Variants in NPFFR1 observed in about 807,000 individuals in gnomAD.
NPFFR1 encodes G-protein coupled receptor 147.
In NPFFR1, 17 loss-of-function variants were observed where a neutral mutation model predicts 12.7. That is an observed-to-expected ratio of 1.34 (90% confidence interval 0.92 to 2.01). NPFFR1 has a LOEUF of 2.01. NPFFR1 is among the 30% of genes most tolerant of loss of function. NPFFR1 has a pLI of 0.00. For missense variants in NPFFR1, 604 were observed against 606.5 expected, an observed-to-expected ratio of 1.00 and a Z score of 0.04; for synonymous variants, 296 against 264.5, an observed-to-expected ratio of 1.12 and a Z score of -1.16.
At chr10:70,256,274 G>T (rs1393894903) in intron 3 of NPFFR1, among the ~76,000 whole-genome samples, 1 of 152,094 alleles carries the variant, frequency 6.6e-6, no homozygotes, top group Non-Finnish European at 1.5e-5. Flanking sequence ...GAGAGATGAG[G>T]TCTCACTGTG....
At chr10:70,261,874 T>G (rs74139291) in intron 2 of NPFFR1, among the ~76,000 whole-genome samples, 10,822 of 152,238 alleles carry the variant, frequency 0.071, 489 homozygotes, top group Middle Eastern at 0.18. Flanking sequence ...CTCAACTTCC[T>G]GGCTCAAACC....
intron 2 of NPFFR1, among the ~76,000 whole-genome samples, chr10:70,265,322 A>C (rs1276191666): frequency 6.6e-6 from 1 of 152,218 alleles, no homozygotes; most frequent in Non-Finnish European, 1.5e-5. Flanking sequence ...TCTGAAAACC[A>C]GTCCCTCACC....
At chr10:70,277,637 C>T (rs1840816857) in intron 1 of NPFFR1, among the ~76,000 whole-genome samples, 1 of 152,208 alleles carries the variant, frequency 6.6e-6, no homozygotes, top group Non-Finnish European at 1.5e-5. Flanking sequence ...CCACTTCCAG[C>T]CAGTGCGGGT....
intron 1 of NPFFR1, among the ~76,000 whole-genome samples, chr10:70,267,821 G>A (rs1369721071): frequency 6.6e-6 from 1 of 152,148 alleles, no homozygotes; most frequent in Admixed American, 6.5e-5. Flanking sequence ...CAGGGCCAGC[G>A]AGCTGGCATC....
chr10:70,254,798 G>A lies in NPFFR1; in HGVS notation c.*159C>T, dbSNP rs1840543916. On this transcript the variant is annotated 3_prime_UTR_variant, in exon 4 of 4. Coordinates refer to ENST00000277942, the MANE Select transcript of NPFFR1 (RefSeq NM_022146.5). ...GCATTTGCCTCTACTGAGGGTGAAG[G>A]CAGCAGAGAAGACATCACCAGCAGC... The A allele has an allele frequency of 3.5e-6, 3 of 850,754 alleles. No homozygotes were observed. The highest frequency in any genetic ancestry group is 4.8e-6 in the Non-Finnish European group (3 of 624,872). 52.7% of individuals were successfully genotyped at this position (850,754 alleles called of 1,614,324 possible). A position where few individuals can be genotyped will look rare whatever the true frequency, so the allele number is the denominator to read the frequency against.
rs774613586 is a variant in NPFFR1 at position 70,255,449 on chromosome 10, G to A, written c.801C>T (p.Arg267=). ...ADPRASRRRA[R]VVHMLVMVAL... ...CCACCATGACCAGCATGTGCACCAC[G>A]CGCGCTCTGCGCCGCGATGCTCGCG... The change falls in exon 4 of 4, where the codon CGC becomes CGT. Residue 267 remains arginine, a synonymous_variant. Coordinates refer to ENST00000277942, the MANE Select transcript of NPFFR1 (RefSeq NM_022146.5). This position sits in a 1 kb window ranked among gnomAD's most constrained non-coding sequence, Gnocchi z 4.2. The A allele has an allele frequency of 4.1e-5, 64 of 1,547,842 alleles. No homozygotes were observed. Among genetic ancestry groups the A allele is most frequent in the Non-Finnish European group, 5.2e-5 (60 of 1,146,500 alleles).
chr10:70,283,273 G>A (rs1005974141), intron 1 of NPFFR1, among the ~76,000 whole-genome samples: 2 of 139,056 alleles, frequency 1.4e-5, no homozygotes, highest in Non-Finnish European at 3.1e-5. Context: ...GAATACAGAG[G>A]CACCCCCAAG....
chr10:70,275,255 CAA>C (rs1010394051), intron 1 of NPFFR1, among the ~76,000 whole-genome samples: 4 of 152,196 alleles, frequency 2.6e-5, no homozygotes, highest in African/African-American at 9.7e-5. Flanking sequence ...TTTTACCCAT[CAA>C]AAATTGTATT....
At chr10:70,278,531 T>A (rs10999232) in intron 1 of NPFFR1, among the ~76,000 whole-genome samples, 8,609 of 152,222 alleles carry the variant, frequency 0.057, 255 homozygotes, top group Middle Eastern at 0.13. Flanking sequence ...TTCATAAGCA[T>A]GCCTTTTATT....
chr10:70,257,952 C>T (rs1346953304), intron 3 of NPFFR1, among the ~76,000 whole-genome samples: 4 of 152,192 alleles, frequency 2.6e-5, no homozygotes, highest in Non-Finnish European at 2.9e-5. Context: ...GATTCTATTG[C>T]TCACAGGTTT....
At position 70,255,061 on chromosome 10, in the gene NPFFR1, C is replaced by G. The variant is rs1840546776; in HGVS notation, c.1189G>C (p.Gly397Arg). 1 of 1,437,340 alleles carries G rather than the reference C, an allele frequency of 7.0e-7. No homozygotes were observed. Among genetic ancestry groups the G allele is most frequent in the African/African-American group, 1.5e-5 (1 of 66,892 alleles). The allele number at this position is 1,437,340 out of a possible 1,614,324, so 89.0% of individuals were successfully genotyped here. A position where few individuals can be genotyped will look rare whatever the true frequency, so the allele number is the denominator to read the frequency against. ...SGPSSGAPRP[G>R]RLPLRNGRVA... ...CGCCCATTCCGCAGCGGGAGGCGGC[C>G]GGGCCTGGGGGCCCCACTGCTAGGG... Residue 397 changes from glycine (G) to arginine (R), a missense_variant, in exon 4 of 4, where the codon GGC becomes CGC. Physicochemically the swap from Gly to Arg is moderately radical, Grantham distance 125 (BLOSUM62 -2). Transcript: ENST00000277942. This position sits in a 1 kb window ranked among gnomAD's most constrained non-coding sequence, Gnocchi z 4.2.
At chr10:70,273,498 A>G (rs1358430447) in intron 1 of NPFFR1, among the ~76,000 whole-genome samples, 1 of 152,148 alleles carries the variant, frequency 6.6e-6, no homozygotes, top group Non-Finnish European at 1.5e-5. Context: ...TCCGCTCCCA[A>G]AAAGAGCCCT....
In NPFFR1 at chr10:70,255,491, G is replaced by GC; in HGVS notation, c.758dup (p.Glu254ArgfsTer133). 1 of 1,547,624 alleles carries GC rather than the reference G, an allele frequency of 6.5e-7. No homozygotes were observed. Among genetic ancestry groups the GC allele is most frequent in the Non-Finnish European group, 8.7e-7 (1 of 1,145,378 alleles). On this transcript the variant is annotated frameshift_variant, in exon 4 of 4. Transcript: ENST00000277942. LOFTEE classifies it low-confidence loss of function (END_TRUNC). This position sits in a 1 kb window ranked among gnomAD's most constrained non-coding sequence, Gnocchi z 4.2. ...ATGCTCGCGGGTCCGCAGCCTCCTC[G>GC]CCCCCGGGGGCCGGGCCCGGGGCCT...
intron 1 of NPFFR1, among the ~76,000 whole-genome samples, chr10:70,269,410 G>A (rs774122945): frequency 1.8e-4 from 27 of 152,068 alleles, no homozygotes; most frequent in Non-Finnish European, 3.2e-4. Context: ...TCCTGTCTTG[G>A]CCTCCCAAAG....
intron 1 of NPFFR1, among the ~76,000 whole-genome samples, chr10:70,277,796 C>T (rs1186395394): frequency 1.3e-5 from 2 of 152,142 alleles, no homozygotes; most frequent in African/African-American, 2.4e-5. Flanking sequence ...TGATTTGCTG[C>T]CCTTCTGCTG....
chr10:70,264,551 G>A (rs1265114107), intron 2 of NPFFR1, among the ~76,000 whole-genome samples: 1 of 151,846 alleles, frequency 6.6e-6, no homozygotes, highest in Non-Finnish European at 1.5e-5. Flanking sequence ...TATTAATATG[G>A]GATAACAACA....
chr10:70,279,183 G>A (rs1195482256), intron 1 of NPFFR1, among the ~76,000 whole-genome samples: 1 of 151,966 alleles, frequency 6.6e-6, no homozygotes, highest in Admixed American at 6.6e-5. Flanking sequence ...ACCGAGTCTC[G>A]CTCTGTCACC....
intron 1 of NPFFR1, among the ~76,000 whole-genome samples, chr10:70,276,711 T>C (rs968020407): frequency 1.3e-5 from 2 of 151,342 alleles, no homozygotes; most frequent in African/African-American, 4.8e-5. Context: ...CCTCAGCCTC[T>C]GAGTAGCCAG....
At chr10:70,279,898 C>T (rs1179862341) in intron 1 of NPFFR1, among the ~76,000 whole-genome samples, 2 of 152,232 alleles carry the variant, frequency 1.3e-5, no homozygotes, top group Non-Finnish European at 2.9e-5. Flanking sequence ...ACTCCATTCT[C>T]CCCCACCACA....
Sources: allele counts gnomAD v4.1 joint callset (sites outside exome capture counted in the v4.1 genomes callset), GRCh38; gene constraint gnomAD v4.1.1; non-coding constraint Gnocchi (gnomAD v3.1); transcripts MANE v1.5; gene names NCBI Gene and HGNC (gene_info 2026-07-23, HGNC 2026-07-21).